RNF213: variants seen among roughly 807,000 people sequenced by gnomAD.
The protein encoded by RNF213 is E3 ubiquitin-protein ligase RNF213.
In RNF213, 341 loss-of-function variants were observed where a neutral mutation model predicts 514.4. That is an observed-to-expected ratio of 0.66 (90% CI 0.61 to 0.73). The LOEUF (loss-of-function observed/expected upper bound fraction) is 0.73, where lower values mean the gene tolerates loss of function less well. Among genes scored for constraint, RNF213 ranks in the 30% least tolerant of loss-of-function variants. The probability of loss-of-function intolerance (pLI) is 0.00; values close to 1 mark genes in which losing one functional copy is unlikely to be tolerated. For missense variants in RNF213, 5,767 were observed against 6,615.6 expected (o/e 0.87, Z 4.45); for synonymous variants, 2,655 against 2,658.2 (o/e 1.00, Z 0.04).
chr17:80,286,548 G>A (rs1463632391), intron 3 of RNF213, among the ~76,000 whole-genome samples: 1 of 152,074 alleles, frequency 6.6e-6, no homozygotes, highest in African/African-American at 2.4e-5. Flanking sequence ...TCAGCCGAGG[G>A]GCTCCTGAAG....
rs773703374 is a variant in RNF213 at position 80,363,653 on chromosome 17, A to C, written c.11613A>C (p.Thr3871=). The change falls in exon 41 of 68, where the codon ACA becomes ACC. Residue 3871 remains threonine, a synonymous_variant. Transcript: ENST00000582970. ...CAATGGCCTGCACGGAGATGCTGAC[A>C]AGAAACACCCTGAAGCCCAGTCCCC... The part of the protein sequence containing the change: ...FAAMACTEML[T]RNTLKPSPQA... 6.2e-7 allele frequency: 1 copy of C among 1,614,072 alleles called. No individual in the cohort carries two copies. The highest frequency in any genetic ancestry group is 8.5e-7 in the Non-Finnish European group (1 of 1,180,008).
At chr17:80,297,327 G>A (rs901423826) in intron 10 of RNF213, among the ~76,000 whole-genome samples, 3 of 151,884 alleles carry the variant, frequency 2.0e-5, no homozygotes, top group African/African-American at 7.2e-5. Context: ...GTGCATGCCT[G>A]TAATCCCAGC....
intron 11 of RNF213, 184 bp downstream of exon 11, chr17:80,298,702 C>T (rs2045056116): frequency 2.7e-5 from 18 of 660,198 alleles, no homozygotes; most frequent in Non-Finnish European, 3.7e-5. Context: ...CAGTGGCTCA[C>T]GCCTGTAATC....
intron 2 of RNF213, among the ~76,000 whole-genome samples, chr17:80,271,349 A>G (rs2043815618): frequency 6.6e-6 from 1 of 152,222 alleles, no homozygotes; most frequent in African/African-American, 2.4e-5. Context: ...CTACGCCAAC[A>G]CTGAGTACTC....
intron 22 of RNF213, among the ~76,000 whole-genome samples, chr17:80,335,199 C>T (rs2077953674): frequency 6.6e-6 from 1 of 152,150 alleles, no homozygotes; most frequent in Non-Finnish European, 1.5e-5. Flanking sequence ...CAGGCGTGAG[C>T]AAGTACAGGC....
chr17:80,385,714 C>T, intron 61 of RNF213, 93 bp downstream of exon 61: 1 of 1,033,454 alleles, frequency 9.7e-7, no homozygotes, highest in East Asian at 2.5e-5. Context: ...TCCCTGTCAA[C>T]ACCCAGCACT....
chr17:80,274,165 A>G (rs989265639), intron 3 of RNF213, among the ~76,000 whole-genome samples: 2 of 151,874 alleles, frequency 1.3e-5, no homozygotes, highest in Non-Finnish European at 2.9e-5. Context: ...GGGGCTTTGA[A>G]GCTTTGGGTG....
chr17:80,342,031 T>A (rs2078168378), intron 26 of RNF213: 1 of 152,318 alleles, frequency 6.6e-6, no homozygotes, highest in Admixed American at 6.5e-5. Flanking sequence ...ACTCCTGACC[T>A]TGAGTGATCA....
intron 36 of RNF213, among the ~76,000 whole-genome samples, chr17:80,357,011 C>G (rs1489530169): frequency 1.3e-5 from 2 of 151,700 alleles, no homozygotes; most frequent in Non-Finnish European, 2.9e-5. Flanking sequence ...CTTCTGCCTC[C>G]CGGGTTCAAG....
chr17:80,363,790 G>C lies in RNF213; in HGVS notation c.11750G>C (p.Arg3917Thr). 1 of 1,612,788 alleles carries C rather than the reference G, an allele frequency of 6.2e-7. No homozygotes were observed. The highest frequency in any genetic ancestry group is 1.1e-5 in the South Asian group (1 of 90,996). The change falls in exon 41 of 68, where the codon AGA (arginine) becomes ACA (threonine). Residue 3917 changes from arginine (R) to threonine (T), a missense_variant and splice_region_variant. Physicochemically the swap from Arg to Thr is moderately conservative, Grantham distance 71. Around this residue, in one of 13 missense-constraint regions of RNF213, gnomAD observed 355 missense variants for 358.0 expected, o/e 0.99. Coordinates refer to ENST00000582970, the MANE Select transcript of RNF213 (RefSeq NM_001256071.3). ...SLAQAVIREVRAQWSRIFSTA... is the reference protein window; with the variant it reads ...SLAQAVIREVTAQWSRIFSTA... ...GCCCAGGCTGTCATCAGGGAAGTCA[G>C]GTGAGACCCAGGAGCCCTCACCCAC...
At chr17:80,281,598 A>ACACACCCCACTCACCCCACT (rs2044297945) in intron 3 of RNF213, among the ~76,000 whole-genome samples, 1 of 128,950 alleles carries the variant, frequency 7.8e-6, no homozygotes, top group Admixed American at 7.9e-5. Flanking sequence ...CTGCCAACAC[A>ACACACCCCACTCACCCCACT]CACAGCCAAC....
intron 9 of RNF213, 34 bp downstream of exon 9, chr17:80,295,037 G>A: frequency 6.2e-7 from 1 of 1,612,986 alleles, no homozygotes; most frequent in African/African-American, 1.3e-5. Context: ...TCTACCTGCT[G>A]GGCAGGAGCC....
Position 80,386,425 on chromosome 17 carries a change from C to T in RNF213, c.14715C>T (p.Asn4905=). ...VYAVEKLSKE[N]NSYSVDAAEV... ...CCGTGGAAAAACTCTCCAAGGAAAA[C>T]AACAGGTTTGTGCACGAGCCACCAG... Residue 4905 remains asparagine, a synonymous_variant, in exon 62 of 68, where the codon AAC becomes AAT. Transcript: ENST00000582970. The T allele has an allele frequency of 6.2e-7, 1 of 1,614,122 alleles. No homozygotes were observed. The highest frequency in any genetic ancestry group is 8.5e-7 in the Non-Finnish European group (1 of 1,180,006).
rs1216296375 is a variant in RNF213 at position 80,317,756 on chromosome 17, A to T, written c.2901+479A>T. Among the ~76,000 whole-genome samples, 1 of 152,144 alleles carries T rather than the reference A, an allele frequency of 6.6e-6. No individual in the cohort carries two copies. The highest frequency in any genetic ancestry group is 1.5e-5 in the Non-Finnish European group (1 of 68,020). The stretch of plus-strand genomic sequence containing the variant: ...CAGTGCTCTCTTAGCTCCGCCGTCT[A>T]TGGACAGTAGTGTGTTATCAGCTCA... On this transcript the variant is annotated intron_variant, in intron 16 of 67. Transcript: ENST00000582970. This position sits in a 1 kb window ranked among gnomAD's most constrained non-coding sequence, Gnocchi z 4.1.
rs762250229 is a variant in RNF213, at chr17:80,347,319, C to T, written c.8984C>T (p.Ala2995Val). 1 of 1,614,024 alleles carries T rather than the reference C, an allele frequency of 6.2e-7. No individual in the cohort carries two copies. The highest frequency in any genetic ancestry group is 1.1e-5 in the South Asian group (1 of 91,066). ...RNFSGKDDIQ[A>V]LDIFLANLPE... ...TTCAGTGGCAAGGATGACATCCAAGCTTTGGACATCTTTCTGGCCAATTTG... is the reference window on the plus strand; with the variant it reads ...TTCAGTGGCAAGGATGACATCCAAGTTTTGGACATCTTTCTGGCCAATTTG... Residue 2995 changes from alanine to valine, a missense_variant, in exon 29 of 68, where the codon GCT (alanine) becomes GTT (valine). Ala to Val is a moderately conservative substitution (Grantham distance 64). This residue lies in a region of RNF213 where 919 missense variants were observed against 1,121.0 expected (regional missense o/e 0.82). Transcript: ENST00000582970. The surrounding 1 kb of genome is among the most constrained non-coding windows in gnomAD (Gnocchi z 7.2).
intron 55 of RNF213, chr17:80,379,925 A>G: frequency 1.7e-6 from 1 of 596,386 alleles, no homozygotes; most frequent in South Asian, 1.8e-5. Flanking sequence ...CTGAAATGCA[A>G]AGCAGGCTAC....
Position 80,347,021 on chromosome 17 carries a change from CG to C in RNF213, c.8690del (p.Gly2897AlafsTer15). On this transcript the variant is annotated frameshift_variant, in exon 29 of 68. Coordinates refer to ENST00000582970, the MANE Select transcript of RNF213 (RefSeq NM_001256071.3). LOFTEE classifies it high-confidence loss of function. The surrounding 1 kb of genome is among the most constrained non-coding windows in gnomAD (Gnocchi z 7.2). ...GGCCCTTGACCCTGCCAAGATGAAC[CG>C]GGGCATTTTTGTGTCACGTGGCAGC... Reference protein sequence around the residue: ...NWALDPAKMNRGIFVSRGSPN... With the variant: ...NWALDPAKMNXGIFVSRGSPN... 1 of 1,613,938 alleles carries C rather than the reference CG, an allele frequency of 6.2e-7. No individual in the cohort carries two copies. The highest frequency in any genetic ancestry group is 8.5e-7 in the Non-Finnish European group (1 of 1,179,942).
chr17:80,295,760 C>A lies in RNF213; in HGVS notation c.1959C>A (p.Ser653Arg). ...GTCACCTCCTAACCTCAGATGCCAG[C>A]TCACCAGATGAGTTTCACCGTGACC... Reference protein sequence around the residue: ...WLCHLLTSDASSPDEFHRDLS... With the variant: ...WLCHLLTSDARSPDEFHRDLS... The change falls in exon 10 of 68, where the codon AGC becomes AGA. Residue 653 changes from serine (S) to arginine (R), a missense_variant. This residue lies in a region of RNF213 where 592 missense variants were observed against 673.9 expected (regional missense o/e 0.88). Coordinates refer to ENST00000582970, the MANE Select transcript of RNF213 (RefSeq NM_001256071.3). 6.2e-7 allele frequency: 1 copy of A among 1,614,162 alleles called. No individual in the cohort carries two copies. The highest frequency in any genetic ancestry group is 1.1e-5 in the South Asian group (1 of 91,074).
In RNF213 at chr17:80,348,076, C is replaced by T. The variant is rs115237033; in HGVS notation, c.9741C>T (p.His3247=). 2.3e-4 allele frequency: 373 copies of T among 1,614,166 alleles called. No homozygotes were observed. In the African/African-American group the frequency reaches 4.5e-3, roughly 20 times the overall value. ...QGPRALTEEL[H]QKVSEEAKSI... ...CCCGGGCCTTGACGGAGGAACTTCACCAGAAGGTGTCTGAGGAGGCCAAAT... is the reference window on the plus strand; with the variant it reads ...CCCGGGCCTTGACGGAGGAACTTCATCAGAAGGTGTCTGAGGAGGCCAAAT... The change falls in exon 29 of 68, where the codon CAC becomes CAT. Residue 3247 remains histidine, a synonymous_variant. Transcript: ENST00000582970.
Sources: allele counts gnomAD v4.1 joint callset (sites outside exome capture counted in the v4.1 genomes callset), GRCh38; gene constraint gnomAD v4.1.1; regional missense constraint gnomAD v4.1.1; non-coding constraint Gnocchi (gnomAD v3.1); transcripts MANE v1.5; gene names NCBI Gene and HGNC (gene_info 2026-07-23, HGNC 2026-07-21).